CARNMT1: variants seen among roughly 807,000 people sequenced by gnomAD.
The protein encoded by CARNMT1 is carnosine N-methyltransferase 1, also known as protein-L-histidine N-pros-methyltransferase CARNMT1.
In CARNMT1, 28 loss-of-function variants were observed where a neutral mutation model predicts 49.6. The observed-to-expected ratio is 0.56, with a 90% CI of 0.42 to 0.77. CARNMT1 has a LOEUF of 0.77. Among genes scored for constraint, CARNMT1 ranks in the 30% least tolerant of loss-of-function variants. The pLI, the probability that CARNMT1 is intolerant of heterozygous loss-of-function variation, is 0.00. For synonymous variants in CARNMT1, 178 were observed against 175.0 expected (o/e 1.02, Z -0.13); for missense variants, 421 against 512.6 (o/e 0.82, Z 1.73).
chr9:75,009,872 A>G (rs1833633142), intron 3 of CARNMT1: 1 of 152,180 alleles, frequency 6.6e-6, no homozygotes, highest in Non-Finnish European at 1.5e-5. Flanking sequence ...CTTCAAGAAA[A>G]CAGTCGCACA....
rs758768242 is a variant in CARNMT1, at chr9:75,016,279, T to C, written c.579A>G (p.Pro193=). 16 of 1,612,954 alleles carry C rather than the reference T, an allele frequency of 9.9e-6. No homozygotes were observed. In the East Asian group the frequency reaches 2.7e-4, roughly 27 times the overall value. Residue 193 remains proline (P), a synonymous_variant, in exon 3 of 8, where the codon CCA becomes CCG. Coordinates refer to ENST00000376834, the MANE Select transcript of CARNMT1 (RefSeq NM_152420.3). ...GAGGTACTATTTACCATCTCTCTTT[T>C]GGAAAATTTTTTAAAATTTCTTTAA... ...PIIKEILKNF[P]KERWDPSKVN...
At chr9:74,988,185 G>A (rs368051050) in intron 6 of CARNMT1, among the ~76,000 whole-genome samples, 1 of 151,892 alleles carries the variant, frequency 6.6e-6, no homozygotes, top group East Asian at 1.9e-4. Flanking sequence ...CCAAATAGCT[G>A]GGACTACAGG....
intron 3 of CARNMT1, among the ~76,000 whole-genome samples, chr9:75,008,424 T>A (rs1833586007): frequency 6.6e-6 from 1 of 152,158 alleles, no homozygotes; most frequent in African/African-American, 2.4e-5. Context: ...CTCTGCCTCC[T>A]GAGTTCAAGC....
At position 75,028,064 on chromosome 9, in the gene CARNMT1, T is replaced by C; in HGVS notation, c.178A>G (p.Arg60Gly). ...TTCCAGAAGTGCTCACGCTCAAGCC[T>C]CTCCTCCTCCTCCTCGGTGCTGCGC... is the stretch of plus-strand genomic sequence containing the variant. ...ATRSTEEEEE[R>G]LEREHFWKII... The change falls in exon 1 of 8, where the codon AGG becomes GGG. Residue 60 changes from arginine (R) to glycine (G), a missense_variant. Arg to Gly is a moderately radical substitution (Grantham distance 125). This residue lies in a region of CARNMT1 where 186 missense variants were observed against 167.9 expected (regional missense o/e 1.11). Transcript: ENST00000376834. The C allele has an allele frequency of 1.3e-6, 2 of 1,577,702 alleles. No homozygotes were observed. Among genetic ancestry groups the C allele is most frequent in the Non-Finnish European group, 8.6e-7 (1 of 1,164,332 alleles).
In CARNMT1 at chr9:74,983,334, G is replaced by C. The variant is rs1403866488; in HGVS notation, c.*433C>G. The C allele has an allele frequency of 2.0e-5, 3 of 151,896 alleles. No homozygotes were observed. The highest frequency in any genetic ancestry group is 6.6e-5 in the Admixed American group (1 of 15,214). 9.4% of individuals were successfully genotyped at this position (151,896 alleles called of 1,614,324 possible). On this transcript the variant is annotated 3_prime_UTR_variant, in exon 8 of 8. Transcript: ENST00000376834. ...AGTCCCAACTCCAGATGTTGAATATGACTGAGGATCCTTAGACTCTTCTAA... is the reference window on the plus strand; with the variant it reads ...AGTCCCAACTCCAGATGTTGAATATCACTGAGGATCCTTAGACTCTTCTAA...
At chr9:75,004,505 C>T (rs1833448337) in intron 3 of CARNMT1, among the ~76,000 whole-genome samples, 1 of 152,158 alleles carries the variant, frequency 6.6e-6, no homozygotes, top group Non-Finnish European at 1.5e-5. Context: ...AAATATGAAA[C>T]ACATACCTGT....
chr9:74,988,134 T>G (rs957800479), intron 6 of CARNMT1, among the ~76,000 whole-genome samples: 2 of 152,094 alleles, frequency 1.3e-5, no homozygotes, highest in Non-Finnish European at 2.9e-5. Context: ...CCAAGCTGGA[T>G]TAGAATTCCT....
At chr9:75,021,735 G>A (rs190541139) in intron 1 of CARNMT1, among the ~76,000 whole-genome samples, 8 of 151,930 alleles carry the variant, frequency 5.3e-5, no homozygotes, top group Admixed American at 3.3e-4. Context: ...GTTCAAAACC[G>A]GCCTGGGCAA....
At position 74,981,765 on chromosome 9, in the gene CARNMT1, C is replaced by A. The variant is rs1231845090; in HGVS notation, c.*2002G>T. The A allele has an allele frequency of 6.6e-6, 1 of 151,958 alleles. No homozygotes were observed. The highest frequency in any genetic ancestry group is 1.5e-5 in the Non-Finnish European group (1 of 67,954). The allele number at this position is 151,958 out of a possible 1,614,324, so 9.4% of individuals were successfully genotyped here. A position where few individuals can be genotyped will look rare whatever the true frequency, so the allele number is the denominator to read the frequency against. On this transcript the variant is annotated 3_prime_UTR_variant, in exon 8 of 8. Transcript: ENST00000376834. ...AAAACAAAGATCATTTGTTTTGATACAAGTTGTAAAAAAGTGAATACTAGT... is the reference window on the plus strand; with the variant it reads ...AAAACAAAGATCATTTGTTTTGATAAAAGTTGTAAAAAAGTGAATACTAGT...
chr9:75,024,288 T>C (rs981172842), intron 1 of CARNMT1, among the ~76,000 whole-genome samples: 6 of 152,264 alleles, frequency 3.9e-5, no homozygotes, highest in Admixed American at 2.0e-4. Context: ...TCCTCATTAA[T>C]GCACAGTAAA....
At chr9:74,985,221 C>T (rs1832797525) in intron 6 of CARNMT1, among the ~76,000 whole-genome samples, 1 of 152,250 alleles carries the variant, frequency 6.6e-6, no homozygotes, top group Admixed American at 6.5e-5. Flanking sequence ...TCTGGCATAC[C>T]TGCCTTGCAC....
Position 75,017,413 on chromosome 9 carries a change from C to A in CARNMT1, c.266G>T (p.Arg89Ile), listed in dbSNP as rs770088975. The A allele has an allele frequency of 1.2e-6, 2 of 1,614,104 alleles. No homozygotes were observed. The highest frequency in any genetic ancestry group is 1.7e-6 in the Non-Finnish European group (2 of 1,179,994). ...SMHERVNRTERQFRSLPANQQ... is the reference protein window; with the variant it reads ...SMHERVNRTEIQFRSLPANQQ... ...GTTAGCTGGAAGTGATCGAAACTGT[C>A]TTTCTGTTCGGTTCACCCGCTCATG... Residue 89 changes from arginine to isoleucine, a missense_variant, in exon 2 of 8, where the codon AGA (arginine) becomes ATA (isoleucine). Arg to Ile is a moderately conservative substitution (Grantham distance 97). Transcript: ENST00000376834.
intron 1 of CARNMT1, among the ~76,000 whole-genome samples, chr9:75,021,447 ATAG>A (rs905998771): frequency 7.0e-6 from 1 of 142,336 alleles, no homozygotes; most frequent in Admixed American, 7.2e-5. Flanking sequence ...TATAATATAA[ATAG>A]TATATATAGG....
intron 5 of CARNMT1, 50 bp from the exon 6 acceptor site, chr9:74,996,610 T>C (rs904111562): frequency 1.9e-6 from 2 of 1,030,098 alleles, no homozygotes; most frequent in African/African-American, 1.6e-5. Flanking sequence ...TTTTGCTTTT[T>C]TCTTTTAATT....
chr9:75,001,412 A>AC (rs769204332), intron 3 of CARNMT1, among the ~76,000 whole-genome samples: 6 of 152,272 alleles, frequency 3.9e-5, no homozygotes, highest in Admixed American at 6.5e-5. Context: ...AGAACTCTCC[A>AC]CCTCAACCTA....
In CARNMT1 at chr9:75,028,130, C is replaced by A; in HGVS notation, c.112G>T (p.Gly38Cys). Residue 38 changes from glycine to cysteine, a missense_variant, in exon 1 of 8, where the codon GGC becomes TGC. Coordinates refer to ENST00000376834, the MANE Select transcript of CARNMT1 (RefSeq NM_152420.3). ...GCCGCCGAAACCGCCGCGGCCGAGC[C>A]CCAACGCCCGGCGGAAAACTGCACT... ...VEVQFSAGRW[G>C]SAAAVSAAAA... The A allele has an allele frequency of 6.4e-7, 1 of 1,552,832 alleles. No homozygotes were observed.
chr9:75,012,172 T>C (rs1833707817), intron 3 of CARNMT1, among the ~76,000 whole-genome samples: 1 of 152,212 alleles, frequency 6.6e-6, no homozygotes, highest in Admixed American at 6.5e-5. Context: ...AAACACTATA[T>C]ATCCTTGACC....
rs561028762 is a variant in CARNMT1 at position 74,988,298 on chromosome 9, CTGAGA to C, written c.1025-3293_1025-3289del. On this transcript the variant is annotated intron_variant, in intron 6 of 7. Transcript: ENST00000376834. Reference sequence around the variant, plus strand: ...TGATTATAAGATCAAAACTAGGAAGCTGAGATAACATGAAAAAGCATTAAAAAATT... The same window carrying C: ...TGATTATAAGATCAAAACTAGGAAGCTAACATGAAAAAGCATTAAAAAATT... Among the ~76,000 whole-genome samples, 371 of 152,148 alleles carry C rather than the reference CTGAGA, an allele frequency of 2.4e-3. 3 individuals carry two copies. Among genetic ancestry groups the C allele is most frequent in the Non-Finnish European group, 3.5e-3 (235 of 68,004 alleles).
intron 6 of CARNMT1, 151 bp from the exon 7 acceptor site, chr9:74,985,161 T>C (rs568288110): frequency 4.6e-5 from 28 of 613,672 alleles, no homozygotes; most frequent in East Asian, 2.5e-4. Flanking sequence ...CTCTGAAAAT[T>C]TGGCCTAGTA....
Sources: gnomAD v4.1 joint callset for allele counts (sites outside exome capture counted in the v4.1 genomes callset) on GRCh38, gnomAD v4.1.1 for gene constraint, gnomAD v4.1.1 regional missense constraint, MANE v1.5 for transcripts, NCBI Gene and HGNC (gene_info 2026-07-23, HGNC 2026-07-21) for gene names.